The following ASAP2 variants were observed in gnomAD, a reference collection of about 807,000 sequenced individuals.
The protein encoded by ASAP2 is ArfGAP with SH3 domain, ankyrin repeat and PH domain 2.
In ASAP2, 45 loss-of-function variants were observed where a neutral mutation model predicts 131.4. The observed-to-expected ratio is 0.34, with a 90% CI of 0.27 to 0.44. The LOEUF is 0.44. Ranked by LOEUF, ASAP2 falls within the 20% of genes least tolerant of loss-of-function variation. ASAP2 has a pLI of 1.00. For missense variants in ASAP2, 1,011 were observed against 1,297.0 expected, an observed-to-expected ratio of 0.78 and a Z score of 3.39; for synonymous variants, 510 against 503.0, an observed-to-expected ratio of 1.01 and a Z score of -0.19.
intron 1 of ASAP2, among the ~76,000 whole-genome samples, chr2:9,229,826 T>C (rs1408703195): frequency 6.6e-6 from 1 of 152,154 alleles, no homozygotes; most frequent in Non-Finnish European, 1.5e-5. Flanking sequence ...TGCCTGGCCC[T>C]GGAGGTGTGT....
intron 1 of ASAP2, among the ~76,000 whole-genome samples, chr2:9,218,587 G>A (rs182933665): frequency 6.6e-6 from 1 of 152,320 alleles, no homozygotes; most frequent in Admixed American, 6.5e-5. Context: ...AAGGGAGAAT[G>A]TTGAGGCCTT....
chr2:9,258,664 C>T (rs1336764115), intron 1 of ASAP2, among the ~76,000 whole-genome samples: 4 of 152,130 alleles, frequency 2.6e-5, no homozygotes, highest in African/African-American at 9.7e-5. Context: ...CTTGAGCAGG[C>T]GAAACCCCCG....
At chr2:9,233,237 C>T (rs1374145497) in intron 1 of ASAP2, among the ~76,000 whole-genome samples, 1 of 152,108 alleles carries the variant, frequency 6.6e-6, no homozygotes, top group Non-Finnish European at 1.5e-5. Flanking sequence ...GGTATTATGC[C>T]GGGACTTTGA....
At chr2:9,275,801 A>G (rs968803940) in intron 1 of ASAP2, among the ~76,000 whole-genome samples, 2 of 152,204 alleles carry the variant, frequency 1.3e-5, no homozygotes, top group South Asian at 4.1e-4. Context: ...ACAATGAACA[A>G]ATATCAGTGA....
chr2:9,318,513 T>G lies in ASAP2; in HGVS notation c.346-11T>G. On this transcript the variant is annotated splice_polypyrimidine_tract_variant and intron_variant, in intron 3 of 27. Coordinates refer to ENST00000281419, the MANE Select transcript of ASAP2 (RefSeq NM_003887.3). ...GCTGAATAAGAATCTCCTTTTGTTT[T>G]TGTTTTTTAGATTCAGAATATGAAC... 1 of 1,606,498 alleles carries G rather than the reference T, an allele frequency of 6.2e-7. No homozygotes were observed. The highest frequency in any genetic ancestry group is 8.5e-7 in the Non-Finnish European group (1 of 1,173,154).
chr2:9,274,393 G>A (rs1265185016), intron 1 of ASAP2, among the ~76,000 whole-genome samples: 3 of 132,518 alleles, frequency 2.3e-5, no homozygotes, highest in Admixed American at 9.0e-5. Flanking sequence ...TGTGATCTCC[G>A]CTCACTGCAA....
chr2:9,219,711 T>C (rs1662287629), intron 1 of ASAP2, among the ~76,000 whole-genome samples: 1 of 152,336 alleles, frequency 6.6e-6, no homozygotes, highest in Non-Finnish European at 1.5e-5. Flanking sequence ...TCACATACCA[T>C]AGAATTCACT....
chr2:9,271,310 T>C lies in ASAP2; in HGVS notation c.127-8007T>C. On this transcript the variant is annotated intron_variant, in intron 1 of 27. Transcript: ENST00000281419. ...TTAAACCCCATGAATCTTCAGCTGATCGTCCTTAGCCAGTCCAAGCTCTAC... is the reference window on the plus strand; with the variant it reads ...TTAAACCCCATGAATCTTCAGCTGACCGTCCTTAGCCAGTCCAAGCTCTAC... The C allele has an allele frequency of 7.9e-6, 7 of 881,894 alleles. No individual in the cohort carries two copies. In the South Asian group the frequency reaches 9.6e-5, roughly 12 times the overall value. The allele number at this position is 881,894 out of a possible 1,614,324, so 54.6% of individuals were successfully genotyped here. A position where few individuals can be genotyped will look rare whatever the true frequency, so the allele number is the denominator to read the frequency against.
intron 12 of ASAP2, among the ~76,000 whole-genome samples, chr2:9,354,270 T>C (rs1414688994): frequency 6.6e-6 from 1 of 152,226 alleles, no homozygotes; most frequent in East Asian, 1.9e-4. Flanking sequence ...GCCAGAGCCC[T>C]GGCCACAAGC....
intron 1 of ASAP2, among the ~76,000 whole-genome samples, chr2:9,221,937 G>C (rs1662449268): frequency 6.6e-6 from 1 of 151,848 alleles, no homozygotes; most frequent in South Asian, 2.1e-4. Context: ...GGGACTACAG[G>C]TGCCCGCCAC....
intron 3 of ASAP2, among the ~76,000 whole-genome samples, chr2:9,306,012 G>A (rs1285454123): frequency 1.3e-5 from 2 of 150,392 alleles, no homozygotes; most frequent in African/African-American, 4.9e-5. Context: ...CTGTAGTAGT[G>A]GGGTGGTAGA....
rs769277834 is a variant in ASAP2, at chr2:9,207,247, G to T, written c.126+17G>T. ...ATCGAGGAGGTGAGGCGGCCTGCGC[G>T]GCGGCTCCGGCCGCAGGTATCCCGC... On this transcript the variant is annotated intron_variant, in intron 1 of 27. Coordinates refer to ENST00000281419, the MANE Select transcript of ASAP2 (RefSeq NM_003887.3). This position sits in a 1 kb window ranked among gnomAD's most constrained non-coding sequence, Gnocchi z 4.1. The T allele has an allele frequency of 6.5e-7, 1 of 1,543,738 alleles. No individual in the cohort carries two copies. Among genetic ancestry groups the T allele is most frequent in the Middle Eastern group, 1.8e-4 (1 of 5,560 alleles).
intron 2 of ASAP2, among the ~76,000 whole-genome samples, chr2:9,286,447 A>AAAAAATATATAT (rs58605449): frequency 1.0e-4 from 15 of 148,420 alleles, no homozygotes; most frequent in East Asian, 5.9e-4. Flanking sequence ...GAAAAAAAAA[A>AAAAAATATATAT]ATATATATAT....
intron 1 of ASAP2, among the ~76,000 whole-genome samples, chr2:9,277,905 A>G (rs1268601000): frequency 6.6e-6 from 1 of 152,222 alleles, no homozygotes; most frequent in Non-Finnish European, 1.5e-5. Context: ...CATCCAATAA[A>G]ATTATCATTG....
chr2:9,341,965 C>T (rs1019645487), intron 9 of ASAP2, among the ~76,000 whole-genome samples: 5 of 152,082 alleles, frequency 3.3e-5, no homozygotes, highest in East Asian at 1.9e-4. Context: ...AGAGTGCCTC[C>T]GCATGTTACT....
At chr2:9,366,927 C>G (rs548187668) in intron 15 of ASAP2, among the ~76,000 whole-genome samples, 1 of 152,212 alleles carries the variant, frequency 6.6e-6, no homozygotes, top group South Asian at 2.1e-4. Flanking sequence ...ACCCAGACCT[C>G]TTGGGCTCTC....
chr2:9,209,591 CGGAGTTTT>C (rs1661385665), intron 1 of ASAP2, among the ~76,000 whole-genome samples: 1 of 152,218 alleles, frequency 6.6e-6, no homozygotes, highest in African/African-American at 2.4e-5. Flanking sequence ...TTATTTGTTA[CGGAGTTTT>C]GCTCTTGTTG....
At chr2:9,220,691 T>G (rs1662355924) in intron 1 of ASAP2, among the ~76,000 whole-genome samples, 1 of 152,208 alleles carries the variant, frequency 6.6e-6, no homozygotes, top group East Asian at 1.9e-4. Context: ...AAAGGACAAA[T>G]TTTTTAATTT....
intron 16 of ASAP2, among the ~76,000 whole-genome samples, chr2:9,373,085 A>G (rs781419075): frequency 7.2e-5 from 11 of 152,122 alleles, no homozygotes; most frequent in Non-Finnish European, 1.3e-4. Flanking sequence ...CCAGCACCGC[A>G]GTGAGCTCAG....
Sources: gnomAD v4.1 joint callset for allele counts (sites outside exome capture counted in the v4.1 genomes callset) on GRCh38, gnomAD v4.1.1 for gene constraint, Gnocchi (gnomAD v3.1) non-coding constraint, MANE v1.5 for transcripts, NCBI Gene and HGNC (gene_info 2026-07-23, HGNC 2026-07-21) for gene names.